Variants in STIL observed in about 807,000 individuals in gnomAD.
STIL encodes the protein SCL-interrupting locus protein.
Under a neutral mutation model 110.1 loss-of-function variants are expected in STIL, and 55 were observed. The observed-to-expected ratio is 0.50, with a 90% CI of 0.40 to 0.63. The LOEUF (loss-of-function observed/expected upper bound fraction) is 0.63, where lower values mean the gene tolerates loss of function less well. Among genes scored for constraint, STIL ranks in the 20% least tolerant of loss-of-function variants. The pLI, the probability that STIL is intolerant of heterozygous loss-of-function variation, is 0.00. For missense variants in STIL, 1,358 were observed against 1,530.0 expected, an observed-to-expected ratio of 0.89 and a Z score of 1.87; for synonymous variants, 481 against 530.0, an observed-to-expected ratio of 0.91 and a Z score of 1.27.
chr1:47,306,030 C>T (rs990233430), intron 2 of STIL, among the ~76,000 whole-genome samples: 1 of 151,878 alleles, frequency 6.6e-6, no homozygotes, highest in Admixed American at 6.6e-5. Flanking sequence ...CGCGCCCGGC[C>T]CAAAAAATAT....
intron 10 of STIL, among the ~76,000 whole-genome samples, chr1:47,286,180 T>C (rs1251740468): frequency 6.6e-6 from 1 of 151,998 alleles, no homozygotes; most frequent in Non-Finnish European, 1.5e-5. Context: ...CAGCAAGAGA[T>C]GCATTTTTTA....
chr1:47,276,472 A>G (rs1030496189), intron 12 of STIL, among the ~76,000 whole-genome samples: 4 of 152,040 alleles, frequency 2.6e-5, no homozygotes, highest in Non-Finnish European at 5.9e-5. Context: ...ATGAGCTCTT[A>G]TAAATAATAA....
At chr1:47,277,255 A>G (rs932951020) in intron 12 of STIL, among the ~76,000 whole-genome samples, 2 of 152,226 alleles carry the variant, frequency 1.3e-5, no homozygotes, top group Non-Finnish European at 2.9e-5. Flanking sequence ...TTTTTAAAGT[A>G]CAAAAAGTTA....
chr1:47,291,663 G>A (rs534564040), intron 8 of STIL, among the ~76,000 whole-genome samples: 1 of 151,936 alleles, frequency 6.6e-6, no homozygotes, highest in African/African-American at 2.4e-5. Flanking sequence ...CCTCCTGGGT[G>A]CAAGTGATTC....
intron 10 of STIL, 47 bp downstream of exon 10, chr1:47,287,504 T>C (rs1376368496): frequency 1.6e-6 from 2 of 1,238,830 alleles, no homozygotes; most frequent in Non-Finnish European, 2.3e-6. Flanking sequence ...AACTAATAAA[T>C]ATAATTTTTA....
At chr1:47,268,666 G>A (rs1305967051) in intron 14 of STIL, among the ~76,000 whole-genome samples, 1 of 151,834 alleles carries the variant, frequency 6.6e-6, no homozygotes, top group Non-Finnish European at 1.5e-5. Context: ...GCTGAGGCAG[G>A]AGAATCACTT....
At chr1:47,265,783 CAAAAAAAAAAAAA>C (rs1179019596) in intron 14 of STIL, among the ~76,000 whole-genome samples, 1 of 65,606 alleles carries the variant, frequency 1.5e-5, no homozygotes, top group Non-Finnish European at 2.7e-5. Flanking sequence ...AAGACTGTCT[CAAAAAAAAAAAAA>C]AAAAAAAAAA....
In STIL at chr1:47,275,647, C is replaced by T. The variant is rs551597796; in HGVS notation, c.2218-3406G>A. Reference sequence around the variant, plus strand: ...TAAATAAGATTTTTTTTTTTTAAGACAGGATCTTACTCTGTCGCCTAGGCC... The same window carrying T: ...TAAATAAGATTTTTTTTTTTTAAGATAGGATCTTACTCTGTCGCCTAGGCC... On this transcript the variant is annotated intron_variant, in intron 12 of 16. Transcript: ENST00000371877. Among the ~76,000 whole-genome samples, 13 of 151,276 alleles carry T rather than the reference C, an allele frequency of 8.6e-5. No individual in the cohort carries two copies. In the East Asian group the frequency reaches 2.5e-3, roughly 29 times the overall value.
chr1:47,269,517 C>G lies in STIL; in HGVS notation c.2615+118G>C, dbSNP rs1237424279. ...GATTTGTTGGTCTGATTTAATCATT[C>G]CATACTGTAAACATGCATCTAAACA... On this transcript the variant is annotated intron_variant, in intron 14 of 16. Coordinates refer to ENST00000371877, the MANE Select transcript of STIL (RefSeq NM_001048166.1). 1.8e-5 allele frequency: 13 copies of G among 729,996 alleles called. No individual in the cohort carries two copies. In the East Asian group the frequency reaches 3.5e-4, roughly 20 times the overall value. 45.2% of individuals were successfully genotyped at this position (729,996 alleles called of 1,614,324 possible). A position where few individuals can be genotyped will look rare whatever the true frequency, so the allele number is the denominator to read the frequency against.
Position 47,304,879 on chromosome 1 carries a change from C to T in STIL, c.152+10G>A. ...ACTGGCTTGATTTGAAAAAAAGAAA[C>T]ATGTTATACCTGTAGTAACTGAGAT... On this transcript the variant is annotated intron_variant, in intron 3 of 16. Coordinates refer to ENST00000371877, the MANE Select transcript of STIL (RefSeq NM_001048166.1). 6.3e-7 allele frequency: 1 copy of T among 1,582,816 alleles called. No individual in the cohort carries two copies. The highest frequency in any genetic ancestry group is 8.7e-7 in the Non-Finnish European group (1 of 1,152,138).
chr1:47,266,288 G>A (rs769760375), intron 14 of STIL, among the ~76,000 whole-genome samples: 5 of 152,316 alleles, frequency 3.3e-5, no homozygotes, highest in East Asian at 1.9e-4. Flanking sequence ...GATTTAAAAT[G>A]TCAAATATCA....
chr1:47,288,794 C>G (rs1010401661), intron 9 of STIL, among the ~76,000 whole-genome samples: 1 of 150,718 alleles, frequency 6.6e-6, no homozygotes, highest in African/African-American at 2.4e-5. Context: ...CACCTATAAT[C>G]CCAGCACTTT....
chr1:47,276,622 A>G (rs575050127), intron 12 of STIL, among the ~76,000 whole-genome samples: 21 of 151,894 alleles, frequency 1.4e-4, no homozygotes, highest in African/African-American at 5.1e-4. Context: ...AGCCTGGCCA[A>G]CATGGTGAAA....
chr1:47,268,477 G>A (rs542446958), intron 14 of STIL, among the ~76,000 whole-genome samples: 4 of 149,856 alleles, frequency 2.7e-5, no homozygotes, highest in South Asian at 2.1e-4. Flanking sequence ...AAAATAGGCT[G>A]GGCACAGTGG....
At chr1:47,266,399 T>C (rs1644655279) in intron 14 of STIL, among the ~76,000 whole-genome samples, 2 of 152,178 alleles carry the variant, frequency 1.3e-5, no homozygotes, top group South Asian at 4.1e-4. Context: ...ACTCTGTTAT[T>C]GAAGCCAGAG....
At chr1:47,312,535 G>T (rs970324834) in intron 1 of STIL, among the ~76,000 whole-genome samples, 1 of 152,172 alleles carries the variant, frequency 6.6e-6, no homozygotes, top group African/African-American at 2.4e-5. Context: ...CAGAATGCAG[G>T]CTTTAAATCC....
chr1:47,306,325 G>C (rs1160322764), intron 2 of STIL, among the ~76,000 whole-genome samples: 3 of 149,914 alleles, frequency 2.0e-5, no homozygotes, highest in African/African-American at 7.4e-5. Context: ...GGAATGCAGG[G>C]GCTCAATCAT....
At position 47,273,256 on chromosome 1, in the gene STIL, T is replaced by C. The variant is rs1411624203; in HGVS notation, c.2218-1015A>G. On this transcript the variant is annotated intron_variant, in intron 12 of 16. Coordinates refer to ENST00000371877, the MANE Select transcript of STIL (RefSeq NM_001048166.1). ...AATTAGCTGCTTTAAAGTGTACAATTCAGTGGTTTTTGGTATACTCACAAA... is the reference window on the plus strand; with the variant it reads ...AATTAGCTGCTTTAAAGTGTACAATCCAGTGGTTTTTGGTATACTCACAAA... 2.0e-5 allele frequency among the ~76,000 whole-genome samples: 3 copies of C among 152,188 alleles called. No homozygotes were observed. The East Asian group carries it at 5.8e-4, about 29-fold the overall frequency.
At chr1:47,293,629 C>T (rs1645558152) in intron 7 of STIL, 85 bp from the exon 8 acceptor site, 10 of 1,127,328 alleles carry the variant, frequency 8.9e-6, no homozygotes, top group South Asian at 2.6e-5. Context: ...ACAAAGTAGA[C>T]GTATGGCTTT....
Sources: gnomAD v4.1 joint callset for allele counts (sites outside exome capture counted in the v4.1 genomes callset) on GRCh38, gnomAD v4.1.1 for gene constraint, MANE v1.5 for transcripts, NCBI Gene and HGNC (gene_info 2026-07-23, HGNC 2026-07-21) for gene names.